Variants in ATP9B observed in about 807,000 individuals in gnomAD.
The protein encoded by ATP9B is probable phospholipid-transporting ATPase IIB.
A neutral mutation model predicts 146.1 loss-of-function variants in ATP9B; 110 were observed. The ratio of observed to expected loss-of-function variants is 0.75; its 90% CI spans 0.65 to 0.88. The LOEUF (loss-of-function observed/expected upper bound fraction) is 0.88, where lower values mean the gene tolerates loss of function less well. Among genes scored for constraint, ATP9B ranks in the 40% least tolerant of loss-of-function variants. ATP9B has a pLI of 0.00. For missense variants in ATP9B, 1,499 were observed against 1,496.4 expected, an observed-to-expected ratio of 1.00 and a Z score of -0.03; for synonymous variants, 604 against 569.7, an observed-to-expected ratio of 1.06 and a Z score of -0.86.
At chr18:79,330,569 T>C (rs565799636) in intron 17 of ATP9B, among the ~76,000 whole-genome samples, 56 of 152,218 alleles carry the variant, frequency 3.7e-4, no homozygotes, top group African/African-American at 1.3e-3. Context: ...CCCGCCACCA[T>C]GCCTGACTAA....
chr18:79,340,478 AAG>A (rs1303853895), intron 19 of ATP9B: 1 of 152,208 alleles, frequency 6.6e-6, no homozygotes, highest in Non-Finnish European at 1.5e-5. Flanking sequence ...AATAAATAAA[AAG>A]CACAAATCTT....
chr18:79,162,106 GA>G (rs1318632750), intron 7 of ATP9B, among the ~76,000 whole-genome samples: 2 of 151,998 alleles, frequency 1.3e-5, no homozygotes, highest in East Asian at 3.8e-4. Context: ...GTTTCAGTTT[GA>G]AAAAATCTGA....
At chr18:79,376,175 ACACAC>A in intron 29 of ATP9B, 1 of 439,950 alleles carries the variant, frequency 2.3e-6, no homozygotes, top group Non-Finnish European at 2.7e-6. Context: ...CCTTAGAAAC[ACACAC>A]ACACACACAC....
At chr18:79,348,081 C>T (rs767822608) in intron 24 of ATP9B, 51 bp from the exon 25 acceptor site, 1 of 1,609,756 alleles carries the variant, frequency 6.2e-7, no homozygotes, top group South Asian at 1.1e-5. Context: ...CTTGGGGCCA[C>T]AGGTGCTCGT....
At chr18:79,140,213 CA>C (rs1320574519) in intron 5 of ATP9B, among the ~76,000 whole-genome samples, 4 of 152,020 alleles carry the variant, frequency 2.6e-5, no homozygotes, top group Admixed American at 6.5e-5. Context: ...CAGGGGCCGA[CA>C]GAGATGGAGG....
intron 7 of ATP9B, chr18:79,174,146 T>C (rs1277503551): frequency 2.4e-6 from 1 of 415,522 alleles, no homozygotes; most frequent in South Asian, 1.8e-5. Flanking sequence ...TGCTCTATCT[T>C]TCTGGAAGTA....
intron 12 of ATP9B, among the ~76,000 whole-genome samples, chr18:79,261,419 C>T (rs143543279): frequency 9.4e-4 from 143 of 152,192 alleles, no homozygotes; most frequent in African/African-American, 3.4e-3. Flanking sequence ...AGTGGGAATA[C>T]GCCAAGGAGA....
chr18:79,193,422 A>G (rs1473316599), intron 9 of ATP9B, among the ~76,000 whole-genome samples, 159 bp downstream of exon 9: 4 of 152,234 alleles, frequency 2.6e-5, no homozygotes, highest in Admixed American at 1.3e-4. Context: ...GTGTACCCAT[A>G]TTAAATATGT....
intron 26 of ATP9B, chr18:79,362,953 A>T (rs2096998975): frequency 6.6e-6 from 1 of 152,218 alleles, no homozygotes; most frequent in Non-Finnish European, 1.5e-5. Context: ...TTATCTTTTG[A>T]AATGTATATT....
intron 8 of ATP9B, among the ~76,000 whole-genome samples, chr18:79,185,315 G>C (rs1312161717): frequency 6.6e-6 from 1 of 151,708 alleles, no homozygotes; most frequent in East Asian, 1.9e-4. Context: ...TATAGGAAGT[G>C]ACATTTTATT....
chr18:79,130,584 A>G (rs772524647), intron 5 of ATP9B, among the ~76,000 whole-genome samples: 34 of 152,294 alleles, frequency 2.2e-4, no homozygotes, highest in Non-Finnish European at 8.8e-5. Context: ...AAAAGACATT[A>G]ATCTGTACAT....
At chr18:79,222,795 G>C (rs1233043973) in intron 11 of ATP9B, among the ~76,000 whole-genome samples, 2 of 150,482 alleles carry the variant, frequency 1.3e-5, no homozygotes, top group Admixed American at 6.6e-5. Context: ...TATTATATTA[G>C]TATTTGGTGA....
At chr18:79,129,027 C>T (rs2094334721) in intron 5 of ATP9B, among the ~76,000 whole-genome samples, 2 of 152,164 alleles carry the variant, frequency 1.3e-5, no homozygotes, top group African/African-American at 4.8e-5. Flanking sequence ...ATAATTGTTT[C>T]TGCCTCTAAC....
rs183291060 is a variant in ATP9B at position 79,164,673 on chromosome 18, C to T, written c.778+10118C>T. 2.3e-3 allele frequency among the ~76,000 whole-genome samples: 343 copies of T among 152,180 alleles called. 1 individual carries two copies. Among genetic ancestry groups the T allele is most frequent in the Admixed American group, 0.011 (161 of 15,284 alleles). ...GGTGGAGTTTGCAGTGAGCTGAGAT[C>T]GCGCCACTGCACTCCAGGCTGGGTG... On this transcript the variant is annotated intron_variant, in intron 7 of 29. Transcript: ENST00000426216.
At chr18:79,110,590 T>A (rs1381550129) in intron 3 of ATP9B, 85 bp downstream of exon 3, 4 of 1,328,850 alleles carry the variant, frequency 3.0e-6, no homozygotes, top group Non-Finnish European at 3.0e-6. Flanking sequence ...GTTGAGACTC[T>A]GACTTAGGTA....
At chr18:79,355,823 A>T (rs1410191832) in intron 25 of ATP9B, among the ~76,000 whole-genome samples, 1 of 152,258 alleles carries the variant, frequency 6.6e-6, no homozygotes, top group African/African-American at 2.4e-5. Context: ...CAAGATAATC[A>T]TAATCAAACT....
intron 17 of ATP9B, among the ~76,000 whole-genome samples, chr18:79,330,830 TATCA>T (rs2096786451): frequency 6.6e-6 from 1 of 152,230 alleles, no homozygotes. Flanking sequence ...TAGAAGGCAT[TATCA>T]ATCATTCACT....
chr18:79,207,765 A>C (rs1303630764), intron 10 of ATP9B, among the ~76,000 whole-genome samples: 1 of 151,880 alleles, frequency 6.6e-6, no homozygotes, highest in African/African-American at 2.4e-5. Flanking sequence ...TCACTCCCCC[A>C]TGCATGTGCA....
At chr18:79,085,673 G>T (rs1356308628) in intron 1 of ATP9B, 1 of 152,184 alleles carries the variant, frequency 6.6e-6, no homozygotes, top group Admixed American at 6.5e-5. Flanking sequence ...AATGAAGAAT[G>T]AATGACATTG....
Sources: gnomAD v4.1 joint callset for allele counts (sites outside exome capture counted in the v4.1 genomes callset) on GRCh38, gnomAD v4.1.1 for gene constraint, MANE v1.5 for transcripts, NCBI Gene and HGNC (gene_info 2026-07-23, HGNC 2026-07-21) for gene names.